The following RPS6KA2 variants were observed in gnomAD, a reference collection of about 807,000 sequenced individuals.
The protein encoded by RPS6KA2 is ribosomal protein S6 kinase A2.
In RPS6KA2, 42 loss-of-function variants were observed where a neutral mutation model predicts 91.8. That is an observed-to-expected ratio of 0.46 (90% CI 0.36 to 0.59). RPS6KA2 has a LOEUF of 0.59. Among genes scored for constraint, RPS6KA2 ranks in the 20% least tolerant of loss-of-function variants. The pLI, the probability that RPS6KA2 is intolerant of heterozygous loss-of-function variation, is 0.00. For missense variants in RPS6KA2, 798 were observed against 978.5 expected (o/e 0.82, Z 2.46); for synonymous variants, 414 against 393.6 (o/e 1.05, Z -0.61).
At chr6:166,755,776 A>C (rs1489445327) in intron 2 of RPS6KA2, among the ~76,000 whole-genome samples, 2 of 152,166 alleles carry the variant, frequency 1.3e-5, no homozygotes, top group Non-Finnish European at 2.9e-5. Flanking sequence ...CACTGATGTG[A>C]CTTTATTTAA....
chr6:166,550,118 A>G (rs1783950412), intron 1 of RPS6KA2, among the ~76,000 whole-genome samples: 1 of 152,244 alleles, frequency 6.6e-6, no homozygotes, highest in Non-Finnish European at 1.5e-5. Flanking sequence ...AAATACGTCA[A>G]GATATTAGAA....
At chr6:166,616,286 T>C (rs1166684303) in intron 1 of RPS6KA2, among the ~76,000 whole-genome samples, 1 of 152,152 alleles carries the variant, frequency 6.6e-6, no homozygotes, top group Non-Finnish European at 1.5e-5. Context: ...GAGTGCCACA[T>C]AGCAGAGCCA....
chr6:166,613,953 A>G (rs1166272068), intron 1 of RPS6KA2, among the ~76,000 whole-genome samples: 1 of 152,066 alleles, frequency 6.6e-6, no homozygotes, highest in Non-Finnish European at 1.5e-5. Context: ...GGGCTCTCAC[A>G]GCCCACCCCA....
intron 2 of RPS6KA2, among the ~76,000 whole-genome samples, chr6:166,692,416 C>T (rs562624529): frequency 8.5e-5 from 13 of 152,162 alleles, no homozygotes; most frequent in African/African-American, 3.1e-4. Flanking sequence ...CAGAGATGGA[C>T]GATGGAAACC....
In RPS6KA2 at chr6:166,493,607, G is replaced by A. The variant is rs1324248916; in HGVS notation, c.748-2866C>T. ...TCCCAATCGGCACCGAGACCAGGCTGCAGACAGGCACAGAGGGGCTCAAGG... is the reference window on the plus strand; with the variant it reads ...TCCCAATCGGCACCGAGACCAGGCTACAGACAGGCACAGAGGGGCTCAAGG... On this transcript the variant is annotated intron_variant, in intron 8 of 20. Transcript: ENST00000265678. This position sits in a 1 kb window ranked among gnomAD's most constrained non-coding sequence, Gnocchi z 4.7. Among the ~76,000 whole-genome samples, 1 of 152,034 alleles carries A rather than the reference G, an allele frequency of 6.6e-6. No individual in the cohort carries two copies. The highest frequency in any genetic ancestry group is 1.5e-5 in the Non-Finnish European group (1 of 68,010).
intron 2 of RPS6KA2, among the ~76,000 whole-genome samples, chr6:166,789,114 G>T (rs188092583): frequency 1.7e-3 from 261 of 152,314 alleles, no homozygotes; most frequent in African/African-American, 6.0e-3. Flanking sequence ...CCTAGTCAAA[G>T]AAAGGGGTGA....
chr6:166,492,948 A>C (rs4710058), intron 8 of RPS6KA2, among the ~76,000 whole-genome samples: 1 of 148,558 alleles, frequency 6.7e-6, no homozygotes, highest in East Asian at 2.0e-4. Context: ...GCCAGGCTGA[A>C]CTGGAACTCC....
chr6:166,695,399 C>T (rs1044375782), intron 2 of RPS6KA2, among the ~76,000 whole-genome samples: 2 of 152,176 alleles, frequency 1.3e-5, no homozygotes, highest in Non-Finnish European at 2.9e-5. Context: ...ACGTACATGG[C>T]CAGAACTGGC....
chr6:166,837,752 T>C (rs1196840754), intron 2 of RPS6KA2, among the ~76,000 whole-genome samples: 1 of 152,236 alleles, frequency 6.6e-6, no homozygotes, highest in Admixed American at 6.5e-5. Context: ...TCCCGATAAG[T>C]TCAGGGAAGG....
At chr6:166,627,656 ACAGCTCCCGGCCCGGGCGAGTTGTG>A (rs1786945425), upstream of RPS6KA2, 1 of 152,144 alleles carries the variant, frequency 6.6e-6, no homozygotes, top group Non-Finnish European at 1.5e-5. Flanking sequence ...TCGGCCCGGG[ACAGCTCCCGGCCCGGGCGAGTTGTG>A]CAGCTGCTCC....
intron 2 of RPS6KA2, among the ~76,000 whole-genome samples, chr6:166,846,101 A>G (rs1230919806): frequency 1.3e-5 from 2 of 152,228 alleles, no homozygotes; most frequent in African/African-American, 4.8e-5. Context: ...ATAAACTAGA[A>G]AATCTAGAGG....
At chr6:166,824,102 CAT>C (rs1374659299) in intron 2 of RPS6KA2, among the ~76,000 whole-genome samples, 21 of 152,040 alleles carry the variant, frequency 1.4e-4, no homozygotes, top group Non-Finnish European at 2.5e-4. Flanking sequence ...TGTGTATACA[CAT>C]GTGAATATAC....
intron 2 of RPS6KA2, among the ~76,000 whole-genome samples, chr6:166,800,653 G>C (rs971120024): frequency 6.6e-6 from 1 of 152,106 alleles, no homozygotes; most frequent in Non-Finnish European, 1.5e-5. Flanking sequence ...TTGGACTTCC[G>C]GCCTCCAGAA....
At position 166,612,441 on chromosome 6, in the gene RPS6KA2, A is replaced by G. The variant is rs1031289847; in HGVS notation, c.99+14480T>C. ...CACCCCTGGGTCACCTGGCAAAGCT[A>G]TAACACACGGTGGCTCCTGCAGACC... On this transcript the variant is annotated intron_variant, in intron 1 of 20. Coordinates refer to ENST00000265678, the MANE Select transcript of RPS6KA2 (RefSeq NM_021135.6). The surrounding 1 kb of genome is among the most constrained non-coding windows in gnomAD (Gnocchi z 4.3). Among the ~76,000 whole-genome samples, 1 of 152,280 alleles carries G rather than the reference A, an allele frequency of 6.6e-6. No individual in the cohort carries two copies. The highest frequency in any genetic ancestry group is 6.5e-5 in the Admixed American group (1 of 15,302).
chr6:166,743,860 G>A (rs1030537981), intron 2 of RPS6KA2, among the ~76,000 whole-genome samples: 7 of 152,074 alleles, frequency 4.6e-5, no homozygotes, highest in Non-Finnish European at 7.3e-5. Flanking sequence ...CTGGTGGTCA[G>A]TGCACGGCAG....
rs113346577 is a variant in RPS6KA2, at chr6:166,567,784, C to T, written c.100-29000G>A. Among the ~76,000 whole-genome samples, 1,310 of 152,292 alleles carry T rather than the reference C, an allele frequency of 8.6e-3. 15 individuals are homozygous for T. The highest frequency in any genetic ancestry group is 0.029 in the African/African-American group (1,207 of 41,548). On this transcript the variant is annotated intron_variant, in intron 1 of 20. Transcript: ENST00000265678. ...GGAAACCCATGCCCTTCCCATGGAACGAGCTGAATTACCTAGACCAGCAGG... is the reference window on the plus strand; with the variant it reads ...GGAAACCCATGCCCTTCCCATGGAATGAGCTGAATTACCTAGACCAGCAGG...
At position 166,822,811 on chromosome 6, in the gene RPS6KA2, A is replaced by ATGAC. The variant is rs1269398453; in HGVS notation, c.123+35388_123+35389insGTCA. 4.6e-5 allele frequency among the ~76,000 whole-genome samples: 7 copies of ATGAC among 151,992 alleles called. No individual in the cohort carries two copies. The South Asian group carries it at 6.2e-4, about 14-fold the overall frequency. On this transcript the variant is annotated intron_variant, in intron 2 of 21. Transcript: ENST00000503859. Reference sequence around the variant, plus strand: ...TTCCAATGAATGAATGAATGAATGAATGAATGCAATCCCATGTTGCCAGAT... The same window carrying ATGAC: ...TTCCAATGAATGAATGAATGAATGAATGACTGAATGCAATCCCATGTTGCCAGAT...
chr6:166,711,760 T>A, intron 2 of RPS6KA2, among the ~76,000 whole-genome samples: 1 of 138,904 alleles, frequency 7.2e-6, no homozygotes, highest in Admixed American at 7.3e-5. Flanking sequence ...AGAACATAAA[T>A]AAATAAAAGG....
At chr6:166,655,470 G>C (rs1056305750) in intron 2 of RPS6KA2, among the ~76,000 whole-genome samples, 1 of 152,230 alleles carries the variant, frequency 6.6e-6, no homozygotes, top group Non-Finnish European at 1.5e-5. Flanking sequence ...TGGGAACCAC[G>C]TGTATCTCCA....
Sources: allele counts gnomAD v4.1 joint callset (sites outside exome capture counted in the v4.1 genomes callset), GRCh38; gene constraint gnomAD v4.1.1; non-coding constraint Gnocchi (gnomAD v3.1); transcripts MANE v1.5; gene names NCBI Gene and HGNC (gene_info 2026-07-23, HGNC 2026-07-21).